Variants in MYLK2 observed in about 807,000 individuals in gnomAD.
The protein encoded by MYLK2 is myosin light chain kinase 2, also known as myosin light chain kinase 2, skeletal/cardiac muscle.
In MYLK2, 27 loss-of-function variants were observed where a neutral mutation model predicts 58.2. The ratio of observed to expected loss-of-function variants is 0.46; its 90% CI spans 0.34 to 0.64. The LOEUF (loss-of-function observed/expected upper bound fraction) is 0.64. Among genes scored for constraint, MYLK2 ranks in the 30% least tolerant of loss-of-function variants. The pLI, the probability that MYLK2 is intolerant of heterozygous loss-of-function variation, is 0.01. For synonymous variants in MYLK2, 310 were observed against 296.7 expected (o/e 1.04, Z -0.46); for missense variants, 676 against 764.3 (o/e 0.88, Z 1.36).
intron 6 of MYLK2, among the ~76,000 whole-genome samples, chr20:31,825,489 A>C (rs1210713237): frequency 6.6e-6 from 1 of 152,216 alleles, no homozygotes; most frequent in African/African-American, 2.4e-5. Flanking sequence ...GACATGCTAC[A>C]GTGGAGGGAG....
intron 6 of MYLK2, among the ~76,000 whole-genome samples, chr20:31,825,911 G>C (rs1276226054): frequency 1.3e-5 from 2 of 152,196 alleles, no homozygotes; most frequent in African/African-American, 4.8e-5. Context: ...ACAAATAATG[G>C]TGTCTTAAAC....
intron 8 of MYLK2, chr20:31,827,491 C>G: frequency 3.0e-6 from 3 of 985,392 alleles, no homozygotes; most frequent in Non-Finnish European, 3.6e-6. Flanking sequence ...TAGGCGCTAA[C>G]AACAATGTTT....
At chr20:31,829,334 C>A (rs1269247905) in intron 8 of MYLK2, among the ~76,000 whole-genome samples, 1 of 152,178 alleles carries the variant, frequency 6.6e-6, no homozygotes, top group Non-Finnish European at 1.5e-5. Flanking sequence ...GGTCTCTTGG[C>A]TGCAGGGCTT....
intron 8 of MYLK2, chr20:31,828,696 G>C (rs781635861): frequency 2.0e-6 from 2 of 985,314 alleles, no homozygotes; most frequent in Non-Finnish European, 2.4e-6. Context: ...TGCTGTTGCC[G>C]CCTCTAACAC....
In MYLK2 at chr20:31,830,803, C is replaced by T. The variant is rs1600413330; in HGVS notation, c.1225-16C>T. On this transcript the variant is annotated splice_polypyrimidine_tract_variant and intron_variant, in intron 8 of 12. Transcript: ENST00000375985. ...GCTGGTCAGAGGCCCACCCAGGCCACCCCCTTTCTCCTCAGCCAGAGAACA... is the reference window on the plus strand; with the variant it reads ...GCTGGTCAGAGGCCCACCCAGGCCATCCCCTTTCTCCTCAGCCAGAGAACA... 6 of 1,613,598 alleles carry T rather than the reference C, an allele frequency of 3.7e-6. No homozygotes were observed. Among genetic ancestry groups the T allele is most frequent in the Non-Finnish European group, 4.2e-6 (5 of 1,179,912 alleles).
intron 12 of MYLK2, among the ~76,000 whole-genome samples, 192 bp downstream of exon 12, chr20:31,832,328 C>T (rs1190696084): frequency 6.6e-6 from 1 of 152,158 alleles, no homozygotes; most frequent in African/African-American, 2.4e-5. Context: ...CTCTACCCGG[C>T]CTTCCACCCA....
chr20:31,834,578 A>G lies in MYLK2; in HGVS notation c.*781A>G, dbSNP rs2062324357. 1 of 152,746 alleles carries G rather than the reference A, an allele frequency of 6.5e-6. No homozygotes were observed. The highest frequency in any genetic ancestry group is 2.4e-5 in the African/African-American group (1 of 41,474). The allele number at this position is 152,746 out of a possible 1,614,324, so 9.5% of individuals were successfully genotyped here. ...GGGGCCCCCATCTTGGGGGTCACCC[A>G]TGGCCTCAGATGATGGGGTCAGCAG... On this transcript the variant is annotated 3_prime_UTR_variant, in exon 13 of 13. Transcript: ENST00000375985.
Position 31,821,744 on chromosome 20 carries a change from CA to C in MYLK2, c.772+8del. 1 of 1,586,444 alleles carries C rather than the reference CA, an allele frequency of 6.3e-7. No homozygotes were observed. The highest frequency in any genetic ancestry group is 8.6e-7 in the Non-Finnish European group (1 of 1,164,058). On this transcript the variant is annotated splice_region_variant and intron_variant, in intron 4 of 12. Transcript: ENST00000375985. ...GACTGCTTCCAGATTTTGGGTAGGC[CA>C]GGGGCAGGTGGGGGCTGGGGCTGCC...
chr20:31,822,565 A>G (rs2062256483), intron 4 of MYLK2, among the ~76,000 whole-genome samples: 1 of 151,852 alleles, frequency 6.6e-6, no homozygotes, highest in South Asian at 2.1e-4. Context: ...CTTGGCCAGC[A>G]GGTGAATAGG....
intron 12 of MYLK2, among the ~76,000 whole-genome samples, chr20:31,832,736 C>G (rs1473329057): frequency 6.6e-6 from 1 of 152,160 alleles, no homozygotes; most frequent in Admixed American, 6.5e-5. Flanking sequence ...CGTGATCCAC[C>G]TGCCTCCGCC....
At position 31,833,698 on chromosome 20, in the gene MYLK2, C is replaced by T; in HGVS notation, c.1711-19C>T. ...CCTGCCCTGGTGTTGACTGGGACTC[C>T]CTCTCTTCTGCCCTCTAGAAAAACT... On this transcript the variant is annotated intron_variant, in intron 12 of 12. Transcript: ENST00000375985. The T allele has an allele frequency of 6.2e-7, 1 of 1,612,420 alleles. No individual in the cohort carries two copies. Among genetic ancestry groups the T allele is most frequent in the South Asian group, 1.1e-5 (1 of 91,052 alleles).
Position 31,820,231 on chromosome 20 carries a change from A to T in MYLK2, c.158A>T (p.Asp53Val). 1 of 1,614,044 alleles carries T rather than the reference A, an allele frequency of 6.2e-7. No homozygotes were observed. The highest frequency in any genetic ancestry group is 8.5e-7 in the Non-Finnish European group (1 of 1,180,024). ...CCGGATCCACCCACCCTGAAGAAAGATGCCAAAGCCCCTGCCTCAGAGAAA... is the reference window on the plus strand; with the variant it reads ...CCGGATCCACCCACCCTGAAGAAAGTTGCCAAAGCCCCTGCCTCAGAGAAA... The part of the protein sequence containing the change: ...KAPDPPTLKK[D>V]AKAPASEKGD... Residue 53 changes from aspartate (D) to valine (V), a missense_variant, in exon 3 of 13, where the codon GAT (aspartate) becomes GTT (valine). By Grantham distance (152) the Asp-to-Val change is radical. Around this residue, in one of 2 missense-constraint regions of MYLK2, gnomAD observed 306 missense variants for 296.5 expected, o/e 1.03. Transcript: ENST00000375985.
Position 31,828,878 on chromosome 20 carries a change from A to T in MYLK2, c.1224+1940A>T, listed in dbSNP as rs186876638. Among the ~76,000 whole-genome samples the T allele has an allele frequency of 2.5e-3, 381 of 152,288 alleles. 1 individual carries two copies. In the Middle Eastern group the frequency reaches 0.034, roughly 14 times the overall value. ...GTGGATGCAGGGAATTTAGAGGCTG[A>T]TGGAGTAAGTAAGCCAGGAGAGAGA... On this transcript the variant is annotated intron_variant, in intron 8 of 12. Coordinates refer to ENST00000375985, the MANE Select transcript of MYLK2 (RefSeq NM_033118.4).
Position 31,826,623 on chromosome 20 carries a change from A to G in MYLK2, c.991A>G (p.Ile331Val), listed in dbSNP as rs1234448357. ...PKDKEMVLLE[I>V]EVMNQLNHRN... Reference sequence around the variant, plus strand: ...TCCCCAGGAAATGGTGTTGCTGGAGATTGAGGTCATGAACCAGCTGAACCA... The same window carrying G: ...TCCCCAGGAAATGGTGTTGCTGGAGGTTGAGGTCATGAACCAGCTGAACCA... Residue 331 changes from isoleucine (I) to valine (V), a missense_variant, in exon 7 of 13, where the codon ATT (isoleucine) becomes GTT (valine). Ile to Val is a conservative substitution (Grantham distance 29, BLOSUM62 3). Around this residue, in one of 2 missense-constraint regions of MYLK2, gnomAD observed 370 missense variants for 467.8 expected, o/e 0.79. Coordinates refer to ENST00000375985, the MANE Select transcript of MYLK2 (RefSeq NM_033118.4). 6.2e-7 allele frequency: 1 copy of G among 1,613,694 alleles called. No homozygotes were observed. The highest frequency in any genetic ancestry group is 8.5e-7 in the Non-Finnish European group (1 of 1,179,966).
At chr20:31,823,819 T>C (rs1600409174) in intron 5 of MYLK2, 1 of 538,324 alleles carries the variant, frequency 1.9e-6, no homozygotes, top group East Asian at 1.5e-4. Flanking sequence ...CCGTAGGAAA[T>C]ACACAGCATT....
At chr20:31,822,746 G>A (rs1486751022) in intron 4 of MYLK2, among the ~76,000 whole-genome samples, 3 of 152,224 alleles carry the variant, frequency 2.0e-5, no homozygotes, top group East Asian at 1.9e-4. Flanking sequence ...AGGACCTGGC[G>A]GCTGGGCGGC....
At chr20:31,828,170 G>A in intron 8 of MYLK2, 1 of 985,336 alleles carries the variant, frequency 1.0e-6, no homozygotes. Context: ...TTACATGTGT[G>A]AGCCACCGTG....
At chr20:31,832,299 C>T (rs900095166) in intron 12 of MYLK2, among the ~76,000 whole-genome samples, 163 bp downstream of exon 12, 1 of 152,106 alleles carries the variant, frequency 6.6e-6, no homozygotes, top group Non-Finnish European at 1.5e-5. Context: ...TGGGCTGGCT[C>T]CTGTCCTAGA....
At position 31,832,074 on chromosome 20, in the gene MYLK2, T is replaced by G. The variant is rs570466350; in HGVS notation, c.1648T>G (p.Cys550Gly). 2.5e-6 allele frequency: 4 copies of G among 1,608,334 alleles called. No homozygotes were observed. In the Admixed American group the frequency reaches 5.1e-5, roughly 20 times the overall value. Residue 550 changes from cysteine to glycine, a missense_variant, in exon 12 of 13, where the codon TGT (cysteine) becomes GGT (glycine). Physicochemically the swap from Cys to Gly is radical, Grantham distance 159. Transcript: ENST00000375985. ...LNNLAEKAKR[C>G]NRRLKSQILL... is the part of the protein sequence containing the mutation. The stretch of plus-strand genomic sequence containing the variant: ...CAACCTGGCGGAGAAAGCCAAACGC[T>G]GTAACCGACGCCTTAAGTCCCAGAT...
Sources: gnomAD v4.1 joint callset for allele counts (sites outside exome capture counted in the v4.1 genomes callset) on GRCh38, gnomAD v4.1.1 for gene constraint, gnomAD v4.1.1 regional missense constraint, MANE v1.5 for transcripts, NCBI Gene and HGNC (gene_info 2026-07-23, HGNC 2026-07-21) for gene names.